RGS7BP: variants seen among roughly 807,000 people sequenced by gnomAD.
The protein encoded by RGS7BP is regulator of G protein signaling 7 binding protein.
RGS7BP carries 9 observed loss-of-function variants against 31.3 expected under a neutral mutation model. That is an observed-to-expected ratio of 0.29 (90% confidence interval 0.17 to 0.50). The LOEUF is 0.50. Ranked by LOEUF, RGS7BP falls within the 20% of genes least tolerant of loss-of-function variation. RGS7BP has a pLI of 0.98. For synonymous variants in RGS7BP, 115 were observed against 120.1 expected, an observed-to-expected ratio of 0.96 and a Z score of 0.28; for missense variants, 274 against 322.0, an observed-to-expected ratio of 0.85 and a Z score of 1.14.
intron 2 of RGS7BP, among the ~76,000 whole-genome samples, chr5:64,535,068 C>T (rs1283769984): frequency 1.3e-5 from 2 of 152,052 alleles, no homozygotes; most frequent in Non-Finnish European, 2.9e-5. Context: ...AAGATAAGGA[C>T]AGAGGGACCA....
intron 2 of RGS7BP, among the ~76,000 whole-genome samples, chr5:64,543,419 A>G (rs554623739): frequency 6.6e-6 from 1 of 152,386 alleles, no homozygotes; most frequent in East Asian, 1.9e-4. Context: ...AAGGACAAGC[A>G]TAAGGGTAAC....
chr5:64,570,830 C>G (rs1000900370), intron 2 of RGS7BP, among the ~76,000 whole-genome samples: 1 of 152,122 alleles, frequency 6.6e-6, no homozygotes, highest in Non-Finnish European at 1.5e-5. Context: ...CTGTCTATCC[C>G]TCTGTGCAAC....
intron 2 of RGS7BP, among the ~76,000 whole-genome samples, chr5:64,525,876 A>G (rs967372922): frequency 2.0e-5 from 3 of 152,206 alleles, no homozygotes; most frequent in African/African-American, 7.2e-5. Flanking sequence ...TTTATCTTCA[A>G]TTGGTGTTCT....
chr5:64,576,238 C>T (rs1373825767), intron 3 of RGS7BP, among the ~76,000 whole-genome samples: 1 of 152,138 alleles, frequency 6.6e-6, no homozygotes, highest in Non-Finnish European at 1.5e-5. Flanking sequence ...TCCAAGAGTG[C>T]TATTTTCCTA....
intron 2 of RGS7BP, among the ~76,000 whole-genome samples, chr5:64,557,214 A>C (rs1436662548): frequency 6.6e-6 from 1 of 152,214 alleles, no homozygotes; most frequent in Non-Finnish European, 1.5e-5. Flanking sequence ...AAGATGTTTC[A>C]CTACAGCACT....
chr5:64,509,677 T>C (rs994822264), intron 2 of RGS7BP, among the ~76,000 whole-genome samples: 2 of 152,136 alleles, frequency 1.3e-5, no homozygotes, highest in African/African-American at 4.8e-5. Context: ...TGCACCATGG[T>C]ACCTGGCTTG....
intron 2 of RGS7BP, among the ~76,000 whole-genome samples, chr5:64,512,165 G>T (rs1026755583): frequency 4.4e-4 from 67 of 152,294 alleles, no homozygotes; most frequent in African/African-American, 1.6e-3. Flanking sequence ...GTCTGTGTTG[G>T]ACTGAATCTT....
chr5:64,539,952 T>A (rs1259427803), intron 2 of RGS7BP, among the ~76,000 whole-genome samples: 1 of 152,196 alleles, frequency 6.6e-6, no homozygotes, highest in Non-Finnish European at 1.5e-5. Flanking sequence ...GGTTATCTGT[T>A]CTTCGTTCAA....
chr5:64,535,219 G>C (rs1749476432), intron 2 of RGS7BP, among the ~76,000 whole-genome samples: 1 of 152,150 alleles, frequency 6.6e-6, no homozygotes, highest in South Asian at 2.1e-4. Context: ...CATCTACCAA[G>C]AGCTTCTGCT....
At chr5:64,580,946 G>A (rs944472622) in intron 3 of RGS7BP, among the ~76,000 whole-genome samples, 4 of 152,110 alleles carry the variant, frequency 2.6e-5, no homozygotes, top group Non-Finnish European at 5.9e-5. Flanking sequence ...AGGTGTGGTG[G>A]ATCATACCTG....
chr5:64,576,302 A>G (rs1742428044), intron 3 of RGS7BP, among the ~76,000 whole-genome samples: 1 of 152,252 alleles, frequency 6.6e-6, no homozygotes, highest in Non-Finnish European at 1.5e-5. Context: ...ATTTAAAAAT[A>G]GAGGGAACTC....
intron 3 of RGS7BP, among the ~76,000 whole-genome samples, chr5:64,583,474 G>A (rs1313548960): frequency 1.3e-5 from 2 of 152,100 alleles, no homozygotes; most frequent in Non-Finnish European, 2.9e-5. Context: ...AAGAGAGACA[G>A]ACAGAGCAGA....
intron 2 of RGS7BP, among the ~76,000 whole-genome samples, chr5:64,560,749 C>A (rs569154567): frequency 6.6e-6 from 1 of 152,086 alleles, no homozygotes; most frequent in Non-Finnish European, 1.5e-5. Context: ...AATCTTCTCA[C>A]TTCTAAAATG....
chr5:64,507,976 T>C (rs1748740613), intron 2 of RGS7BP, 99 bp downstream of exon 2: 2 of 1,042,762 alleles, frequency 1.9e-6, no homozygotes, highest in African/African-American at 1.6e-5. Context: ...CTCCACATAT[T>C]TGAGATTTTA....
intron 2 of RGS7BP, among the ~76,000 whole-genome samples, chr5:64,547,177 G>C (rs899586823): frequency 1.3e-5 from 2 of 152,170 alleles, no homozygotes; most frequent in Admixed American, 1.3e-4. Flanking sequence ...GAGCTGTTGT[G>C]AAATAAGCTG....
chr5:64,548,851 C>CTTTTT (rs555751491), intron 2 of RGS7BP, among the ~76,000 whole-genome samples: 4 of 137,494 alleles, frequency 2.9e-5, no homozygotes, highest in African/African-American at 1.1e-4. Context: ...AAGCCCTTTC[C>CTTTTT]TTTTTTTTTT....
chr5:64,560,088 T>C (rs1742017517), intron 2 of RGS7BP, among the ~76,000 whole-genome samples: 1 of 152,184 alleles, frequency 6.6e-6, no homozygotes, highest in African/African-American at 2.4e-5. Context: ...ACTACATATG[T>C]CACACTGGCT....
chr5:64,546,175 A>AAAACC, intron 2 of RGS7BP, among the ~76,000 whole-genome samples: 1 of 152,174 alleles, frequency 6.6e-6, no homozygotes. Flanking sequence ...AAAACAAAAC[A>AAAACC]AAACAAAAGT....
At chr5:64,523,252 G>A (rs1008544502) in intron 2 of RGS7BP, among the ~76,000 whole-genome samples, 4 of 152,308 alleles carry the variant, frequency 2.6e-5, no homozygotes, top group Admixed American at 6.5e-5. Context: ...GGGTGAGCCC[G>A]TGCCCCTGGA....
Sources: gnomAD v4.1 joint callset for allele counts (sites outside exome capture counted in the v4.1 genomes callset) on GRCh38, gnomAD v4.1.1 for gene constraint, MANE v1.5 for transcripts, NCBI Gene and HGNC (gene_info 2026-07-23, HGNC 2026-07-21) for gene names.